AKR1C3: variants seen among roughly 807,000 people sequenced by gnomAD.
The protein encoded by AKR1C3 is 3-alpha hydroxysteroid dehydrogenase, type II.
In AKR1C3, 48 loss-of-function variants were observed where a neutral mutation model predicts 43.6. The ratio of observed to expected loss-of-function variants is 1.10; its 90% CI spans 0.87 to 1.40. The LOEUF (loss-of-function observed/expected upper bound fraction) is 1.40, where lower values mean the gene tolerates loss of function less well. Among genes scored for constraint, AKR1C3 ranks in the 40% most tolerant of loss-of-function variants. The pLI is 0.00. For missense variants in AKR1C3, 482 were observed against 391.2 expected, an observed-to-expected ratio of 1.23 and a Z score of -1.96; for synonymous variants, 162 against 139.6, an observed-to-expected ratio of 1.16 and a Z score of -1.13.
intron 5 of AKR1C3, among the ~76,000 whole-genome samples, chr10:5,100,904 G>C (rs751104612): frequency 6.6e-6 from 1 of 151,986 alleles, no homozygotes; most frequent in African/African-American, 2.4e-5. Flanking sequence ...GTTTATGTGG[G>C]TATATCTGCA....
At position 5,074,828 on chromosome 10, in the gene AKR1C3, G is replaced by A. The variant is rs148799522; in HGVS notation, c.85-21582G>A. Among the ~76,000 whole-genome samples the A allele has an allele frequency of 5.8e-3, 887 of 152,168 alleles. 1 individual carries two copies. The highest frequency in any genetic ancestry group is 7.1e-3 in the African/African-American group (296 of 41,504). ...ATCCATAGCTTATCTTTACAGTTGC[G>A]GTCACCCCACAGACACAAATGCATT... is the stretch of plus-strand genomic sequence containing the variant. On this transcript the variant is annotated intron_variant, in intron 1 of 8. Transcript: ENST00000439082.
In AKR1C3 at chr10:5,107,528, A is replaced by G. The variant is rs782731872; in HGVS notation, c.*25A>G. On this transcript the variant is annotated 3_prime_UTR_variant, in exon 9 of 9. Coordinates refer to ENST00000380554, the MANE Select transcript of AKR1C3 (RefSeq NM_003739.6). Reference sequence around the variant, plus strand: ...ACATGGAGGGCTTTGCCTGATGTCTACCAGAAGCCCTGTGTGTGGATGGTG... The same window carrying G: ...ACATGGAGGGCTTTGCCTGATGTCTGCCAGAAGCCCTGTGTGTGGATGGTG... The G allele has an allele frequency of 7.7e-6, 12 of 1,560,512 alleles. No individual in the cohort carries two copies. The Middle Eastern group carries it at 8.6e-4, about 112-fold the overall frequency.
chr10:5,064,724 C>T (rs782746304), intron 1 of AKR1C3, among the ~76,000 whole-genome samples: 4 of 152,032 alleles, frequency 2.6e-5, no homozygotes, highest in East Asian at 1.9e-4. Context: ...GGGGAAAATA[C>T]GTGAAGAGAT....
At chr10:5,105,422 T>C (rs1588362262) in intron 7 of AKR1C3, 173 bp from the exon 8 acceptor site, 1 of 521,246 alleles carries the variant, frequency 1.9e-6, no homozygotes, top group East Asian at 3.1e-5. Flanking sequence ...AATGGATTTC[T>C]GCTTATTTTT....
Position 5,098,867 on chromosome 10 carries a change from T to C in AKR1C3, c.435T>C (p.Cys145=). ...TAATATTTGACATAGTGGATCTCTG[T>C]ACCACCTGGGAGGTGAGTGCTTGGC... ...GKVIFDIVDL[C]TTWEAMEKCK... The change falls in exon 4 of 9, where the codon TGT becomes TGC. Residue 145 remains cysteine, a synonymous_variant. Coordinates refer to ENST00000380554, the MANE Select transcript of AKR1C3 (RefSeq NM_003739.6). 1 of 1,613,410 alleles carries C rather than the reference T, an allele frequency of 6.2e-7. No homozygotes were observed. Among genetic ancestry groups the C allele is most frequent in the Non-Finnish European group, 8.5e-7 (1 of 1,179,636 alleles).
chr10:5,092,810 TTC>T (rs1283053892), upstream of AKR1C3, among the ~76,000 whole-genome samples: 4 of 152,210 alleles, frequency 2.6e-5, no homozygotes, highest in East Asian at 3.9e-4. Context: ...CAAAAATAAT[TTC>T]TGTCAACTCG....
At chr10:5,083,268 C>A (rs1473708701) in intron 1 of AKR1C3, among the ~76,000 whole-genome samples, 1 of 152,128 alleles carries the variant, frequency 6.6e-6, no homozygotes, top group Non-Finnish European at 1.5e-5. Flanking sequence ...TGATGTTCCC[C>A]TTCCTGTGTC....
Position 5,107,540 on chromosome 10 carries a change from G to T in AKR1C3, c.*37G>T. 1 of 1,504,670 alleles carries T rather than the reference G, an allele frequency of 6.6e-7. No individual in the cohort carries two copies. Among genetic ancestry groups the T allele is most frequent in the Non-Finnish European group, 9.2e-7 (1 of 1,083,330 alleles). 93.2% of individuals were successfully genotyped at this position (1,504,670 alleles called of 1,614,324 possible). The stretch of plus-strand genomic sequence containing the variant: ...TTGCCTGATGTCTACCAGAAGCCCT[G>T]TGTGTGGATGGTGACGCAGAGGACG... On this transcript the variant is annotated 3_prime_UTR_variant, in exon 9 of 9. Transcript: ENST00000380554.
chr10:5,094,554 G>C (rs782806453), intron 1 of AKR1C3, 26 bp downstream of exon 1: 1 of 1,610,394 alleles, frequency 6.2e-7, no homozygotes, highest in African/African-American at 1.3e-5. Context: ...TTTAGTTTTC[G>C]GATTTCAAAA....
chr10:5,051,842 T>C lies in AKR1C3; in HGVS notation c.84+2947T>C, dbSNP rs1304685304. On this transcript the variant is annotated intron_variant, in intron 1 of 8. Coordinates refer to the AKR1C3 transcript ENST00000439082. ...AGGCCATAAGGGAAAGACAATAAAT[T>C]TGTTTTCTTTGAAATAATTCAGTGC... is the stretch of plus-strand genomic sequence containing the variant. Among the ~76,000 whole-genome samples, 7 of 152,168 alleles carry C rather than the reference T, an allele frequency of 4.6e-5. No individual in the cohort carries two copies. In the East Asian group the frequency reaches 1.3e-3, roughly 29 times the overall value.
intron 1 of AKR1C3, among the ~76,000 whole-genome samples, chr10:5,084,036 C>T (rs1310711009): frequency 1.3e-5 from 2 of 152,168 alleles, no homozygotes; most frequent in African/African-American, 4.8e-5. Flanking sequence ...GTTGCCTGTT[C>T]ACTCTGATGG....
chr10:5,065,389 C>T (rs76168935), intron 1 of AKR1C3, among the ~76,000 whole-genome samples: 6,021 of 152,156 alleles, frequency 0.04, 411 homozygotes, highest in African/African-American at 0.14. Context: ...ATAAAGAAAT[C>T]TTTACATTCT....
At chr10:5,106,286 T>C (rs1588363169) in intron 8 of AKR1C3, among the ~76,000 whole-genome samples, 1 of 152,278 alleles carries the variant, frequency 6.6e-6, no homozygotes, top group East Asian at 1.9e-4. Flanking sequence ...TCCTGCAATA[T>C]GGAGCTCTCA....
intron 7 of AKR1C3, among the ~76,000 whole-genome samples, chr10:5,104,637 GATATT>G (rs1554786789): frequency 6.6e-6 from 1 of 152,078 alleles, no homozygotes; most frequent in Non-Finnish European, 1.5e-5. Flanking sequence ...GTCTTTGGTT[GATATT>G]GTATTGAAAC....
rs1554785685 is a variant in AKR1C3 at position 5,099,550 on chromosome 10, TAGA to T, written c.570+105_570+107del. The T allele has an allele frequency of 3.2e-6, 5 of 1,566,112 alleles. No homozygotes were observed. The South Asian group carries it at 3.6e-5, about 11-fold the overall frequency. On this transcript the variant is annotated intron_variant, in intron 5 of 8. Transcript: ENST00000380554. Reference sequence around the variant, plus strand: ...TTTTGTCCCAGTTATCTTTGTGAAGTAGAAGATTATCTAGAGAGCAAAGCTTCT... The same window carrying T: ...TTTTGTCCCAGTTATCTTTGTGAAGTAGATTATCTAGAGAGCAAAGCTTCT...
At position 5,107,445 on chromosome 10, in the gene AKR1C3, A is replaced by G; in HGVS notation, c.930-16A>G. ...TGGAGTCATTGCATTTATATTATACATTATTCTCTTTTCAGTTTTGCTAGC... is the reference window on the plus strand; with the variant it reads ...TGGAGTCATTGCATTTATATTATACGTTATTCTCTTTTCAGTTTTGCTAGC... On this transcript the variant is annotated splice_polypyrimidine_tract_variant and intron_variant, in intron 8 of 8. Transcript: ENST00000380554. 3 of 1,519,316 alleles carry G rather than the reference A, an allele frequency of 2.0e-6. No individual in the cohort carries two copies. The highest frequency in any genetic ancestry group is 1.7e-4 in the Middle Eastern group (1 of 5,888). The allele number at this position is 1,519,316 out of a possible 1,614,324, so 94.1% of individuals were successfully genotyped here.
intron 1 of AKR1C3, among the ~76,000 whole-genome samples, chr10:5,085,659 C>T (rs1331872915): frequency 4.0e-5 from 6 of 151,878 alleles, no homozygotes; most frequent in Admixed American, 2.6e-4. Context: ...GGTACCAGCT[C>T]TTCTTTGTAC....
At position 5,087,202 on chromosome 10, in the gene AKR1C3, G is replaced by A. The variant is rs1034915035; in HGVS notation, c.85-9208G>A. Among the ~76,000 whole-genome samples the A allele has an allele frequency of 2.6e-5, 4 of 152,186 alleles. No homozygotes were observed. In the East Asian group the frequency reaches 5.8e-4, roughly 22 times the overall value. On this transcript the variant is annotated intron_variant, in intron 1 of 8. Coordinates refer to the AKR1C3 transcript ENST00000439082. The stretch of plus-strand genomic sequence containing the variant: ...ATTTGGCATGTTTTTGCAGTGGCTG[G>A]TACCGTTTGTTCCTTTCCATGTTTA...
At chr10:5,049,665 G>T (rs1838112583) in intron 1 of AKR1C3, among the ~76,000 whole-genome samples, 1 of 152,114 alleles carries the variant, frequency 6.6e-6, no homozygotes, top group African/African-American at 2.4e-5. Flanking sequence ...ACTGTCCTGA[G>T]ACTACTATGT....
Sources: gnomAD v4.1 joint callset for allele counts (sites outside exome capture counted in the v4.1 genomes callset) on GRCh38, gnomAD v4.1.1 for gene constraint, MANE v1.5 for transcripts, NCBI Gene and HGNC (gene_info 2026-07-23, HGNC 2026-07-21) for gene names.